DOCK2: variants seen among roughly 807,000 people sequenced by gnomAD.
DOCK2 encodes dedicator of cytokinesis 2.
Under a neutral mutation model 248.9 loss-of-function variants are expected in DOCK2, and 87 were observed. The ratio of observed to expected loss-of-function variants is 0.35; its 90% CI spans 0.29 to 0.42. The LOEUF (loss-of-function observed/expected upper bound fraction) is 0.42, where lower values mean the gene tolerates loss of function less well. DOCK2 is among the 10% of genes least tolerant of loss of function. The probability of loss-of-function intolerance (pLI) is 1.00; values close to 1 mark genes in which losing one functional copy is unlikely to be tolerated. For synonymous variants in DOCK2, 805 were observed against 821.6 expected (o/e 0.98, Z 0.35); for missense variants, 1,747 against 2,300.2 (o/e 0.76, Z 4.92).
intron 26 of DOCK2, among the ~76,000 whole-genome samples, chr5:169,805,996 A>G (rs985965916): frequency 6.6e-6 from 1 of 152,152 alleles, no homozygotes; most frequent in Non-Finnish European, 1.5e-5. Flanking sequence ...AGAAATTTTG[A>G]TGCTTTTGGT....
chr5:169,921,616 T>C (rs910444576), intron 27 of DOCK2, among the ~76,000 whole-genome samples: 4 of 152,232 alleles, frequency 2.6e-5, no homozygotes, highest in African/African-American at 9.6e-5. Context: ...TAACTTTGTT[T>C]AACCCAGTGT....
intron 27 of DOCK2, among the ~76,000 whole-genome samples, chr5:169,876,233 CCTTCA>C (rs777416347): frequency 5.9e-5 from 9 of 152,346 alleles, no homozygotes; most frequent in African/African-American, 9.6e-5. Context: ...CCTTTGAAGT[CCTTCA>C]CTTCATTTCA....
rs779372773 is a variant in DOCK2, at chr5:170,077,820, C to G, written c.4977C>G (p.Ser1659Arg). Residue 1659 changes from serine (S) to arginine (R), a missense_variant, in exon 48 of 52, where the codon AGC (serine) becomes AGG (arginine). Coordinates refer to ENST00000520908, the MANE Select transcript of DOCK2 (RefSeq NM_004946.3). ...TGAATTCTGACTGCAGCACCCCCAG[C>G]AAGCCTACCTCAGAGAGGTCAGTCC... ...ASMNSDCSTPSKPTSESFDLE... is the reference protein window; with the variant it reads ...ASMNSDCSTPRKPTSESFDLE... 1.7e-5 allele frequency: 27 copies of G among 1,613,304 alleles called. No homozygotes were observed. Among genetic ancestry groups the G allele is most frequent in the Non-Finnish European group, 1.9e-5 (23 of 1,179,958 alleles).
intron 27 of DOCK2, among the ~76,000 whole-genome samples, chr5:169,855,758 C>T (rs1770856007): frequency 6.6e-6 from 1 of 152,170 alleles, no homozygotes; most frequent in Admixed American, 6.5e-5. Flanking sequence ...AAAGCTGCTC[C>T]TACTCTTGGA....
intron 27 of DOCK2, among the ~76,000 whole-genome samples, chr5:169,947,870 G>A (rs1048309316): frequency 6.6e-6 from 1 of 152,100 alleles, no homozygotes; most frequent in Non-Finnish European, 1.5e-5. Flanking sequence ...TGCCTGCTGG[G>A]TGAGCATGAG....
intron 33 of DOCK2, among the ~76,000 whole-genome samples, chr5:170,021,182 G>A (rs1469933297): frequency 6.6e-6 from 1 of 152,208 alleles, no homozygotes; most frequent in Non-Finnish European, 1.5e-5. Flanking sequence ...TGGAGAAAGA[G>A]GCCGTATCTG....
At chr5:169,702,522 A>C in intron 14 of DOCK2, 95 bp downstream of exon 14, 1 of 1,556,330 alleles carries the variant, frequency 6.4e-7, no homozygotes, top group Non-Finnish European at 8.7e-7. Context: ...CTGTTGTCTA[A>C]ATGCCAGGTG....
At chr5:169,694,632 C>G (rs141080243) in intron 9 of DOCK2, among the ~76,000 whole-genome samples, 36 of 152,234 alleles carry the variant, frequency 2.4e-4, no homozygotes, top group Admixed American at 3.3e-4. Flanking sequence ...TATGGTGATG[C>G]AGGAATCACT....
Position 169,800,201 on chromosome 5 carries a change from T to G in DOCK2, c.2555-2857T>G, listed in dbSNP as rs571606558. On this transcript the variant is annotated intron_variant, in intron 25 of 51. Coordinates refer to ENST00000520908, the MANE Select transcript of DOCK2 (RefSeq NM_004946.3). ...TTTAAGCAAAGCAGAATCAAAATTT[T>G]TGTCATCTATAATTTTCTGTTTCCA... 5.3e-4 allele frequency among the ~76,000 whole-genome samples: 80 copies of G among 152,324 alleles called. 1 individual carries two copies. The highest frequency in any genetic ancestry group is 4.2e-3 in the Admixed American group (64 of 15,308).
chr5:170,057,465 G>A (rs1003717739), intron 43 of DOCK2, 115 bp from the exon 44 acceptor site: 9 of 813,158 alleles, frequency 1.1e-5, no homozygotes, highest in African/African-American at 3.4e-5. Flanking sequence ...TCTGCTTTCG[G>A]GTAGATGGGA....
At position 170,073,497 on chromosome 5, in the gene DOCK2, A is replaced by T. The variant is rs188415176; in HGVS notation, c.4729-2450A>T. On this transcript the variant is annotated intron_variant, in intron 46 of 51. Coordinates refer to ENST00000520908, the MANE Select transcript of DOCK2 (RefSeq NM_004946.3). The stretch of plus-strand genomic sequence containing the variant: ...TTACACACTCCTCCCAAACACATTG[A>T]GATTTGGATTAATTGTACATTAACT... Among the ~76,000 whole-genome samples the T allele has an allele frequency of 5.4e-3, 823 of 152,316 alleles. 14 individuals carry two copies. The Middle Eastern group carries it at 0.061, about 11-fold the overall frequency.
intron 26 of DOCK2, among the ~76,000 whole-genome samples, chr5:169,824,591 T>C (rs958594098): frequency 6.6e-6 from 1 of 152,140 alleles, no homozygotes; most frequent in Non-Finnish European, 1.5e-5. Context: ...TGAAACTGGA[T>C]CCCTTCCTTA....
At chr5:169,699,555 A>G in intron 12 of DOCK2, 97 bp downstream of exon 12, 3 of 1,205,136 alleles carry the variant, frequency 2.5e-6, no homozygotes, top group Non-Finnish European at 3.5e-6. Context: ...TGGGATACTT[A>G]GCTTTCCTTC....
At chr5:169,915,566 AC>A (rs1200137991) in intron 27 of DOCK2, among the ~76,000 whole-genome samples, 1 of 138,488 alleles carries the variant, frequency 7.2e-6, no homozygotes, top group Non-Finnish European at 1.6e-5. Context: ...GAACACACAC[AC>A]ACACACACAC....
intron 44 of DOCK2, among the ~76,000 whole-genome samples, chr5:170,059,638 C>T (rs1004833279): frequency 2.6e-5 from 4 of 152,098 alleles, no homozygotes; most frequent in Non-Finnish European, 5.9e-5. Flanking sequence ...AATATAAATT[C>T]CAAGAAGACA....
chr5:169,653,550 C>G (rs899878478), intron 1 of DOCK2, among the ~76,000 whole-genome samples: 2 of 152,208 alleles, frequency 1.3e-5, no homozygotes, highest in Non-Finnish European at 1.5e-5. Flanking sequence ...AAATCTCCTA[C>G]ACAGGTTCCT....
At chr5:169,785,118 G>A (rs183870539) in intron 25 of DOCK2, among the ~76,000 whole-genome samples, 14 of 152,248 alleles carry the variant, frequency 9.2e-5, no homozygotes, top group Admixed American at 2.6e-4. Flanking sequence ...AGATGAACTC[G>A]TATGTTGATA....
chr5:169,973,683 C>T (rs1196987243), intron 27 of DOCK2, among the ~76,000 whole-genome samples: 1 of 152,172 alleles, frequency 6.6e-6, no homozygotes, highest in Non-Finnish European at 1.5e-5. Flanking sequence ...GGTATTGGTA[C>T]CTCATACAGA....
chr5:169,824,415 C>T (rs575657215), intron 26 of DOCK2, among the ~76,000 whole-genome samples: 2 of 152,078 alleles, frequency 1.3e-5, no homozygotes, highest in Non-Finnish European at 2.9e-5. Flanking sequence ...GTACTGATAC[C>T]AAAACAGAGA....
Sources: gnomAD v4.1 joint callset for allele counts (sites outside exome capture counted in the v4.1 genomes callset) on GRCh38, gnomAD v4.1.1 for gene constraint, MANE v1.5 for transcripts, NCBI Gene and HGNC (gene_info 2026-07-23, HGNC 2026-07-21) for gene names.